Variants in ARMC2 observed in about 807,000 individuals in gnomAD.
The protein encoded by ARMC2 is armadillo repeat containing 2.
ARMC2 carries 67 observed loss-of-function variants against 90.3 expected under a neutral mutation model. The observed-to-expected ratio is 0.74, with a 90% CI of 0.61 to 0.91. The LOEUF (loss-of-function observed/expected upper bound fraction) is 0.91, where lower values mean the gene tolerates loss of function less well. ARMC2 is among the 40% of genes least tolerant of loss of function. ARMC2 has a pLI of 0.00. For missense variants in ARMC2, 920 were observed against 1,030.9 expected (o/e 0.89, Z 1.47); for synonymous variants, 393 against 393.0 (o/e 1.00, Z 0.00).
At chr6:108,990,711 T>C in the ARMC2 span, 1 of 1,614,150 alleles carries the variant, frequency 6.2e-7, no homozygotes, top group Non-Finnish European at 8.5e-7. Context: ...ATCAACATCT[T>C]TGTGCATTGC....
chr6:108,880,777 CTCCT>C (rs71015566), intron 5 of ARMC2, among the ~76,000 whole-genome samples: 5 of 145,210 alleles, frequency 3.4e-5, no homozygotes, highest in Non-Finnish European at 7.5e-5. Context: ...TCCCTTCCCT[CTCCT>C]TCCTTCCTTC....
chr6:108,899,603 A>T (rs1351088726), intron 6 of ARMC2, 91 bp from the exon 7 acceptor site: 1 of 881,594 alleles, frequency 1.1e-6, no homozygotes, highest in African/African-American at 1.7e-5. Flanking sequence ...TAGTTTATTA[A>T]TTGTAGTGAT....
chr6:108,964,128 A>G, intron 15 of ARMC2, 52 bp from the exon 16 acceptor site: 2 of 1,580,884 alleles, frequency 1.3e-6, no homozygotes, highest in Non-Finnish European at 1.7e-6. Flanking sequence ...AACAAGAGAC[A>G]GCTGGGAATC....
At chr6:108,989,362 T>C in the ARMC2 span, among the ~76,000 whole-genome samples, 10 of 151,972 alleles carry the variant, frequency 6.6e-5, no homozygotes, top group African/African-American at 2.2e-4. Flanking sequence ...ATTAATTACA[T>C]TTGTTATTGG....
At chr6:108,965,192 G>T in intron 17 of ARMC2, 52 bp downstream of exon 17, 2 of 1,497,592 alleles carry the variant, frequency 1.3e-6, no homozygotes, top group Non-Finnish European at 1.8e-6. Context: ...GTGTGAGATA[G>T]TTTTTTTCTG....
chr6:108,856,441 T>C, intron 2 of ARMC2: 3 of 209,092 alleles, frequency 1.4e-5, no homozygotes, highest in Non-Finnish European at 1.0e-5. Flanking sequence ...AACCATTTTA[T>C]GGGGTTTCCC....
rs1027150543 is a variant in ARMC2, at chr6:108,848,543, A to G, written c.-47A>G. ...GCCGCTGCTATCTCCAGTGCTCATC[A>G]CAGGTGCTTTGGGTCAGGTCGGAAG... On this transcript the variant is annotated 5_prime_UTR_variant, in exon 1 of 18. Transcript: ENST00000392644. The G allele has an allele frequency of 2.6e-5, 4 of 152,332 alleles. No homozygotes were observed. The highest frequency in any genetic ancestry group is 9.6e-5 in the African/African-American group (4 of 41,458). 9.4% of individuals were successfully genotyped at this position (152,332 alleles called of 1,614,324 possible). A position where few individuals can be genotyped will look rare whatever the true frequency, so the allele number is the denominator to read the frequency against.
chr6:108,848,980 G>A (rs1297782660), intron 1 of ARMC2, among the ~76,000 whole-genome samples: 1 of 152,166 alleles, frequency 6.6e-6, no homozygotes, highest in Non-Finnish European at 1.5e-5. Flanking sequence ...CCAAGTGCGT[G>A]GTGCTTAATA....
chr6:109,034,211 ACTC>A, the ARMC2 span, among the ~76,000 whole-genome samples: 1 of 152,050 alleles, frequency 6.6e-6, no homozygotes, highest in Non-Finnish European at 1.5e-5. Flanking sequence ...CCATGACTTT[ACTC>A]CTCCTCTTTG....
At chr6:108,998,883 G>C in the ARMC2 span, 1 of 1,132,796 alleles carries the variant, frequency 8.8e-7, no homozygotes, top group Non-Finnish European at 1.2e-6. Context: ...ATTATCATTT[G>C]AAACATGTAG....
the ARMC2 span, chr6:108,999,806 A>G: frequency 6.6e-6 from 1 of 152,176 alleles, no homozygotes; most frequent in African/African-American, 2.4e-5. Flanking sequence ...TTTGTCGACA[A>G]AAAACAAGAA....
In ARMC2 at chr6:108,876,335, A is replaced by T. The variant is rs755146711; in HGVS notation, c.656A>T (p.His219Leu). ...MFKGTTSLPS[H>L]LKNGGDQGKR... ...AAAGGAACAACATCTTTACCATCTC[A>T]TCTCAAGAATGGAGGGTCAGTATTC... Residue 219 changes from histidine (H) to leucine (L), a missense_variant, in exon 5 of 18, where the codon CAT (histidine) becomes CTT (leucine). His to Leu is a moderately conservative substitution (Grantham distance 99, BLOSUM62 -3). Coordinates refer to ENST00000392644, the MANE Select transcript of ARMC2 (RefSeq NM_032131.6). The T allele has an allele frequency of 1.1e-5, 18 of 1,606,948 alleles. No individual in the cohort carries two copies. Among genetic ancestry groups the T allele is most frequent in the Non-Finnish European group, 1.4e-5 (17 of 1,175,172 alleles).
downstream of ARMC2, among the ~76,000 whole-genome samples, chr6:108,977,886 T>A (rs10456862): frequency 6.6e-6 from 1 of 152,226 alleles, no homozygotes; most frequent in Non-Finnish European, 1.5e-5. Context: ...GATTCTTCTC[T>A]TTATTCTTCT....
the ARMC2 span, chr6:108,993,084 TTC>T: frequency 1.9e-6 from 1 of 527,520 alleles, no homozygotes; most frequent in South Asian, 2.6e-5. Context: ...AAAGGAGATT[TTC>T]TGTTATAAAA....
intron 8 of ARMC2, among the ~76,000 whole-genome samples, chr6:108,908,395 G>A (rs963422544): frequency 2.6e-5 from 4 of 152,206 alleles, no homozygotes; most frequent in Non-Finnish European, 4.4e-5. Context: ...GCAGCATAGC[G>A]CCTGGTACAC....
At chr6:108,998,524 C>T in the ARMC2 span, 1 of 1,613,784 alleles carries the variant, frequency 6.2e-7, no homozygotes, top group South Asian at 1.1e-5. Flanking sequence ...GAAACATTTT[C>T]TGCTGAGTTG....
the ARMC2 span, among the ~76,000 whole-genome samples, chr6:109,023,072 A>G: frequency 2.6e-5 from 4 of 152,178 alleles, no homozygotes; most frequent in African/African-American, 9.7e-5. Flanking sequence ...AATCAGTAGA[A>G]CAGTATCCCT....
At chr6:108,850,664 C>G (rs1582906765) in intron 1 of ARMC2, among the ~76,000 whole-genome samples, 1 of 152,212 alleles carries the variant, frequency 6.6e-6, no homozygotes, top group Admixed American at 6.5e-5. Context: ...TTCACTGTAA[C>G]AAATATCTCC....
At chr6:108,988,992 G>A in the ARMC2 span, among the ~76,000 whole-genome samples, 1 of 152,054 alleles carries the variant, frequency 6.6e-6, no homozygotes, top group Non-Finnish European at 1.5e-5. Flanking sequence ...TCATGAACAC[G>A]TAGCCACACT....
Sources: allele counts gnomAD v4.1 joint callset (sites outside exome capture counted in the v4.1 genomes callset), GRCh38; gene constraint gnomAD v4.1.1; transcripts MANE v1.5; gene names NCBI Gene and HGNC (gene_info 2026-07-23, HGNC 2026-07-21).